Variants in PCDHGA4 observed in about 807,000 individuals in gnomAD.
PCDHGA4 encodes the protein protocadherin gamma subfamily A, 4.
PCDHGA4 carries 38 observed loss-of-function variants against 54.6 expected under a neutral mutation model. That is an observed-to-expected ratio of 0.70 (90% CI 0.54 to 0.91). The LOEUF is 0.91. PCDHGA4 is among the 40% of genes least tolerant of loss of function. The pLI, the probability that PCDHGA4 is intolerant of heterozygous loss-of-function variation, is 0.00. For synonymous variants in PCDHGA4, 511 were observed against 512.9 expected, an observed-to-expected ratio of 1.00 and a Z score of 0.05; for missense variants, 1,298 against 1,220.9, an observed-to-expected ratio of 1.06 and a Z score of -0.94.
At chr5:141,466,864 C>G (rs925681539) in intron 1 of PCDHGA4, among the ~76,000 whole-genome samples, 24 of 151,910 alleles carry the variant, frequency 1.6e-4, no homozygotes, top group African/African-American at 5.3e-4. Flanking sequence ...TTTTGAAATC[C>G]ACACATTTTT....
At chr5:141,370,823 C>T (rs764531085) in intron 1 of PCDHGA4, 167 of 1,613,906 alleles carry the variant, frequency 1.0e-4, no homozygotes, top group Non-Finnish European at 1.2e-4. Flanking sequence ...TGGAAATCAG[C>T]GAACTGGCTC....
intron 1 of PCDHGA4, chr5:141,388,870 G>T (rs1196888001): frequency 4.3e-6 from 7 of 1,613,964 alleles, no homozygotes; most frequent in Non-Finnish European, 5.9e-6. Flanking sequence ...ATTGCGCAAT[G>T]CACAGTGGAG....
At position 141,487,448 on chromosome 5, in the gene PCDHGA4, C is replaced by T; in HGVS notation, c.2515-7359C>T. The stretch of plus-strand genomic sequence containing the variant: ...CCGAATCCAGCTAGGGTCAGATGAC[C>T]CTATCAAGTTTGTTGATGTGGGAGG... On this transcript the variant is annotated intron_variant, in intron 1 of 3. Coordinates refer to ENST00000571252, the MANE Select transcript of PCDHGA4 (RefSeq NM_018917.4). The surrounding 1 kb of genome is among the most constrained non-coding windows in gnomAD (Gnocchi z 5.0). 6.8e-6 allele frequency: 11 copies of T among 1,614,146 alleles called. No individual in the cohort carries two copies. The highest frequency in any genetic ancestry group is 9.3e-6 in the Non-Finnish European group (11 of 1,180,028).
chr5:141,448,851 A>T (rs1374003271), intron 1 of PCDHGA4, among the ~76,000 whole-genome samples: 1 of 152,124 alleles, frequency 6.6e-6, no homozygotes, highest in Admixed American at 6.5e-5. Context: ...AGGCTGAGGC[A>T]GGAGAATGGC....
chr5:141,412,020 C>G (rs1158851404), intron 1 of PCDHGA4: 1 of 145,358 alleles, frequency 6.9e-6, no homozygotes, highest in Non-Finnish European at 1.5e-5. Context: ...TCTGAACATC[C>G]TGTTCTCTGT....
At position 141,403,421 on chromosome 5, in the gene PCDHGA4, G is replaced by A. The variant is rs773369451; in HGVS notation, c.2514+45800G>A. ...TGGAGCACGTTATCCACTTCCAGAA[G>A]CTATTGATCCGGATGTTGGCGTGAA... On this transcript the variant is annotated intron_variant, in intron 1 of 3. Coordinates refer to ENST00000571252, the MANE Select transcript of PCDHGA4 (RefSeq NM_018917.4). 11 of 1,614,038 alleles carry A rather than the reference G, an allele frequency of 6.8e-6. No individual in the cohort carries two copies. In the East Asian group the frequency reaches 2.5e-4, roughly 36 times the overall value.
rs1297899765 is a variant in PCDHGA4, at chr5:141,431,815, C to T, written c.2515-62992C>T. ...CCCCAGAAGTGGTCCTCACCTCTCTCGCCAGCTCGGTTCCCGAAAACTCTC... is the reference window on the plus strand; with the variant it reads ...CCCCAGAAGTGGTCCTCACCTCTCTTGCCAGCTCGGTTCCCGAAAACTCTC... On this transcript the variant is annotated intron_variant, in intron 1 of 3. Transcript: ENST00000571252. The surrounding 1 kb of genome is among the most constrained non-coding windows in gnomAD (Gnocchi z 4.8). 5 of 1,614,124 alleles carry T rather than the reference C, an allele frequency of 3.1e-6. No homozygotes were observed. The Admixed American group carries it at 5.0e-5, about 16-fold the overall frequency.
At position 141,432,724 on chromosome 5, in the gene PCDHGA4, C is replaced by T. The variant is rs752394602; in HGVS notation, c.2515-62083C>T. ...AGGACCACGGCCAGCCCCCTCTCTCCGCCACTGTCACGCTCACCGTGGCCG... is the reference window on the plus strand; with the variant it reads ...AGGACCACGGCCAGCCCCCTCTCTCTGCCACTGTCACGCTCACCGTGGCCG... On this transcript the variant is annotated intron_variant, in intron 1 of 3. Coordinates refer to ENST00000571252, the MANE Select transcript of PCDHGA4 (RefSeq NM_018917.4). The surrounding 1 kb of genome is among the most constrained non-coding windows in gnomAD (Gnocchi z 6.0). The T allele has an allele frequency of 8.1e-6, 13 of 1,614,066 alleles. No individual in the cohort carries two copies. Among genetic ancestry groups the T allele is most frequent in the Middle Eastern group, 1.6e-4 (1 of 6,062 alleles).
chr5:141,373,689 C>T (rs575785726), intron 1 of PCDHGA4, among the ~76,000 whole-genome samples: 2 of 152,314 alleles, frequency 1.3e-5, no homozygotes, highest in East Asian at 1.9e-4. Context: ...CTTCAGAGAA[C>T]ATTTAAAATT....
At chr5:141,465,457 C>G (rs956070103) in intron 1 of PCDHGA4, among the ~76,000 whole-genome samples, 1 of 152,214 alleles carries the variant, frequency 6.6e-6, no homozygotes, top group Non-Finnish European at 1.5e-5. Context: ...AAAACTCTCA[C>G]CAAATTGCCC....
At chr5:141,403,724 G>A (rs373210176) in intron 1 of PCDHGA4, 2 of 1,613,924 alleles carry the variant, frequency 1.2e-6, no homozygotes, top group Non-Finnish European at 1.7e-6. Flanking sequence ...CGTGCCCCCA[G>A]GCACCTGGCT....
Position 141,491,717 on chromosome 5 carries a change from C to A in PCDHGA4, c.2515-3090C>A. ...CGGAGCCAGGTGAGGGGCTCGGCGC[C>A]GCCCCGGGCGACCCCTGGGGGCGGC... On this transcript the variant is annotated intron_variant, in intron 1 of 3. Coordinates refer to ENST00000571252, the MANE Select transcript of PCDHGA4 (RefSeq NM_018917.4). The surrounding 1 kb of genome is among the most constrained non-coding windows in gnomAD (Gnocchi z 6.9). 1 of 1,607,940 alleles carries A rather than the reference C, an allele frequency of 6.2e-7. No individual in the cohort carries two copies. Among genetic ancestry groups the A allele is most frequent in the Middle Eastern group, 1.7e-4 (1 of 6,010 alleles).
intron 1 of PCDHGA4, among the ~76,000 whole-genome samples, chr5:141,466,826 G>A (rs978548667): frequency 1.2e-4 from 18 of 152,056 alleles, no homozygotes; most frequent in Admixed American, 8.5e-4. Flanking sequence ...TAACAAGTTA[G>A]TATGGGTTTA....
intron 1 of PCDHGA4, among the ~76,000 whole-genome samples, chr5:141,484,319 C>T (rs1191113560): frequency 6.6e-6 from 1 of 152,212 alleles, no homozygotes; most frequent in Non-Finnish European, 1.5e-5. Context: ...CGCTTCCATA[C>T]TGTCCTTGAA....
chr5:141,401,730 T>C (rs1448734124), intron 1 of PCDHGA4, among the ~76,000 whole-genome samples: 4 of 152,204 alleles, frequency 2.6e-5, no homozygotes, highest in African/African-American at 4.8e-5. Context: ...ACTACTAGTC[T>C]TGTGTACATA....
At chr5:141,403,344 C>T (rs1307550469) in intron 1 of PCDHGA4, 10 of 1,613,916 alleles carry the variant, frequency 6.2e-6, no homozygotes, top group Non-Finnish European at 8.5e-6. Context: ...GACAGCGCCC[C>T]AAAGTTCCAG....
At chr5:141,374,357 C>T (rs1490017184) in intron 1 of PCDHGA4, 1 of 1,614,018 alleles carries the variant, frequency 6.2e-7, no homozygotes, top group South Asian at 1.1e-5. Context: ...TAGGATAGAC[C>T]GCGAGGAGCT....
At chr5:141,438,765 G>A (rs1012158127) in intron 1 of PCDHGA4, among the ~76,000 whole-genome samples, 5 of 149,658 alleles carry the variant, frequency 3.3e-5, no homozygotes, top group Middle Eastern at 3.4e-3. Context: ...GGGTTCAAGC[G>A]ATTCTCCTGC....
chr5:141,371,262 C>T (rs368232567), intron 1 of PCDHGA4: 3 of 1,613,880 alleles, frequency 1.9e-6, no homozygotes, highest in Non-Finnish European at 2.5e-6. Flanking sequence ...GGAAGTGAGA[C>T]AACTGTTCAA....
Sources: allele counts gnomAD v4.1 joint callset (sites outside exome capture counted in the v4.1 genomes callset), GRCh38; gene constraint gnomAD v4.1.1; non-coding constraint Gnocchi (gnomAD v3.1); transcripts MANE v1.5; gene names NCBI Gene and HGNC (gene_info 2026-07-23, HGNC 2026-07-21).